The following INSIG2 variants were observed in gnomAD, a reference collection of about 807,000 sequenced individuals.
The protein encoded by INSIG2 is insulin-induced gene 2 protein.
INSIG2 carries 10 observed loss-of-function variants against 27.2 expected under a neutral mutation model. That is an observed-to-expected ratio of 0.37 (90% CI 0.23 to 0.62). The LOEUF (loss-of-function observed/expected upper bound fraction) is 0.62. Ranked by LOEUF, INSIG2 falls within the 20% of genes least tolerant of loss-of-function variation. The probability of loss-of-function intolerance (pLI) is 0.65; values close to 1 mark genes in which losing one functional copy is unlikely to be tolerated. For missense variants in INSIG2, 178 were observed against 270.2 expected (o/e 0.66, Z 2.39); for synonymous variants, 97 against 95.8 (o/e 1.01, Z -0.07).
intron 2 of INSIG2, among the ~76,000 whole-genome samples, chr2:118,099,916 G>A (rs796197057): frequency 7.2e-5 from 11 of 152,202 alleles, no homozygotes; most frequent in African/African-American, 2.4e-4. Flanking sequence ...CAGCCCCCTT[G>A]TATGGTACCC....
chr2:118,093,209 AGATGATGAT>A (rs72489038), intron 1 of INSIG2, among the ~76,000 whole-genome samples: 8 of 8,196 alleles, frequency 9.8e-4, no homozygotes, highest in African/African-American at 1.3e-3. Context: ...AAAAGCAACC[AGATGATGAT>A]GATGATGATG....
intron 1 of INSIG2, among the ~76,000 whole-genome samples, chr2:118,092,304 G>T (rs530054826): frequency 6.6e-6 from 1 of 152,110 alleles, no homozygotes; most frequent in African/African-American, 2.4e-5. Flanking sequence ...TATACAGAGT[G>T]TTAGTTTGCT....
Position 118,108,316 on chromosome 2 carries a change from G to T in INSIG2, c.672G>T (p.Gln224His). The T allele has an allele frequency of 6.3e-7, 1 of 1,598,122 alleles. No homozygotes were observed. The highest frequency in any genetic ancestry group is 1.1e-5 in the South Asian group (1 of 88,850). Residue 224 changes from glutamine (Q) to histidine (H), a missense_variant, in exon 6 of 6, where the codon CAG (glutamine) becomes CAT (histidine). Coordinates refer to ENST00000245787, the MANE Select transcript of INSIG2 (RefSeq NM_016133.4). ...AAGTTATCGCAGAAAAATCTCATCA[G>T]GAATGAAGAAGGCAAAAAATATCTT... is the stretch of plus-strand genomic sequence containing the variant. Reference protein sequence around the residue: ...ECKVIAEKSHQE With the variant: ...ECKVIAEKSHHE
At chr2:118,091,550 A>C (rs2104519713) in intron 1 of INSIG2, among the ~76,000 whole-genome samples, 1 of 152,308 alleles carries the variant, frequency 6.6e-6, no homozygotes, top group African/African-American at 2.4e-5. Context: ...TATATATACA[A>C]CTTTTTTGTT....
Position 118,106,768 on chromosome 2 carries a change from C to G in INSIG2, c.401C>G (p.Ser134Cys). Residue 134 changes from serine (S) to cysteine (C), a missense_variant, in exon 4 of 6, where the codon TCT (serine) becomes TGT (cysteine). By Grantham distance (112) the Ser-to-Cys change is moderately radical. Coordinates refer to ENST00000245787, the MANE Select transcript of INSIG2 (RefSeq NM_016133.4). Reference sequence around the variant, plus strand: ...GATTTCGATAACAACATACAGTTGTCTCTCACACTGGCTGCACTATCCATT... The same window carrying G: ...GATTTCGATAACAACATACAGTTGTGTCTCACACTGGCTGCACTATCCATT... ...KVDFDNNIQL[S>C]LTLAALSIGL... The G allele has an allele frequency of 6.2e-7, 1 of 1,614,074 alleles. No individual in the cohort carries two copies. The highest frequency in any genetic ancestry group is 8.5e-7 in the Non-Finnish European group (1 of 1,179,946).
At chr2:118,091,582 T>C (rs879789046) in intron 1 of INSIG2, among the ~76,000 whole-genome samples, 4 of 152,216 alleles carry the variant, frequency 2.6e-5, no homozygotes, top group African/African-American at 4.8e-5. Context: ...GGGGGTCTCA[T>C]ACCCCTTGGA....
intron 1 of INSIG2, among the ~76,000 whole-genome samples, chr2:118,091,219 C>T (rs972430888): frequency 2.6e-5 from 4 of 152,158 alleles, no homozygotes; most frequent in African/African-American, 9.7e-5. Flanking sequence ...CCTCTGACTC[C>T]TCTAGTGTGC....
In INSIG2 at chr2:118,108,399, C is replaced by A. The variant is rs1428425989; in HGVS notation, c.*77C>A. The A allele has an allele frequency of 1.8e-6, 2 of 1,136,514 alleles. No homozygotes were observed. Among genetic ancestry groups the A allele is most frequent in the East Asian group, 2.5e-5 (1 of 40,654 alleles). The allele number at this position is 1,136,514 out of a possible 1,614,324, so 70.4% of individuals were successfully genotyped here. A position where few individuals can be genotyped will look rare whatever the true frequency, so the allele number is the denominator to read the frequency against. On this transcript the variant is annotated 3_prime_UTR_variant, in exon 6 of 6. Transcript: ENST00000245787. ...AATGGTAGATATACCAACAAAACTT[C>A]AGACTGTAAAATTGCCAGGATGCAG...
chr2:118,090,346 G>A (rs1189774508), intron 1 of INSIG2, among the ~76,000 whole-genome samples: 2 of 152,128 alleles, frequency 1.3e-5, no homozygotes, highest in South Asian at 4.1e-4. Flanking sequence ...GGTTCTTAAG[G>A]TTACTAGAAG....
intron 2 of INSIG2, among the ~76,000 whole-genome samples, chr2:118,098,642 G>T (rs185403665): frequency 2.9e-4 from 44 of 152,306 alleles, no homozygotes; most frequent in Non-Finnish European, 6.3e-4. Flanking sequence ...AGGTTTCATT[G>T]TACCTCCACT....
At chr2:118,098,102 C>T (rs1667475118) in intron 2 of INSIG2, among the ~76,000 whole-genome samples, 1 of 152,230 alleles carries the variant, frequency 6.6e-6, no homozygotes, top group African/African-American at 2.4e-5. Context: ...AATTGTATCA[C>T]TCTGCTGTAT....
At position 118,096,604 on chromosome 2, in the gene INSIG2, A is replaced by G; in HGVS notation, c.48A>G (p.Pro16=). 6.2e-7 allele frequency: 1 copy of G among 1,613,854 alleles called. No individual in the cohort carries two copies. Among genetic ancestry groups the G allele is most frequent in the African/African-American group, 1.3e-5 (1 of 74,960 alleles). The change falls in exon 2 of 6, where the codon CCA becomes CCG. Residue 16 remains proline, a synonymous_variant. Coordinates refer to ENST00000245787, the MANE Select transcript of INSIG2 (RefSeq NM_016133.4). The part of the protein sequence containing the change: ...TESPGPKKCG[P]YISSVTSQSV... ...CACCTGGGCCCAAAAAGTGTGGCCC[A>G]TATATTTCATCTGTCACTAGCCAGA...
Position 118,108,322 on chromosome 2 carries a change from A to C in INSIG2, c.678A>C (p.Ter226CysextTer17). 1 of 1,594,936 alleles carries C rather than the reference A, an allele frequency of 6.3e-7. No homozygotes were observed. Among genetic ancestry groups the C allele is most frequent in the East Asian group, 2.3e-5 (1 of 44,174 alleles). Reference protein sequence around the residue: ...KVIAEKSHQE* With the variant: ...KVIAEKSHQEC ...TCGCAGAAAAATCTCATCAGGAATG[A>C]AGAAGGCAAAAAATATCTTTTGTAC... The change falls in exon 6 of 6, where the codon TGA becomes TGC. Residue 226 changes from the stop codon to cysteine, a stop_lost. Coordinates refer to ENST00000245787, the MANE Select transcript of INSIG2 (RefSeq NM_016133.4).
chr2:118,104,689 G>C (rs1174010115), intron 3 of INSIG2, among the ~76,000 whole-genome samples: 1 of 152,152 alleles, frequency 6.6e-6, no homozygotes, highest in Non-Finnish European at 1.5e-5. Flanking sequence ...CAGCAGAGCT[G>C]AGAACAGCCC....
At chr2:118,089,665 T>G (rs181488855) in intron 1 of INSIG2, among the ~76,000 whole-genome samples, 197 of 152,334 alleles carry the variant, frequency 1.3e-3, no homozygotes, top group African/African-American at 4.6e-3. Context: ...TTTGTCATTG[T>G]GTTATGTCGT....
chr2:118,103,175 T>C, intron 2 of INSIG2, 22 bp from the exon 3 acceptor site: 1 of 1,609,346 alleles, frequency 6.2e-7, no homozygotes, highest in East Asian at 2.2e-5. Flanking sequence ...GGTAACTTAA[T>C]TTTTTTCTTT....
intron 2 of INSIG2, chr2:118,102,550 T>A (rs1170064734): frequency 1.3e-5 from 2 of 152,240 alleles, no homozygotes; most frequent in Non-Finnish European, 2.9e-5. Context: ...AGATTTCTGT[T>A]GTGAGTTTTC....
At chr2:118,105,904 ATTCCT>A (rs1678661282) in intron 3 of INSIG2, among the ~76,000 whole-genome samples, 1 of 152,218 alleles carries the variant, frequency 6.6e-6, no homozygotes, top group South Asian at 2.1e-4. Context: ...CTTGAAATTA[ATTCCT>A]TTAGTGTAAT....
chr2:118,102,680 G>A (rs575062158), intron 2 of INSIG2: 1 of 154,638 alleles, frequency 6.5e-6, no homozygotes, highest in Admixed American at 6.3e-5. Context: ...ACTGATCTAC[G>A]TAAGAGGCCA....
Sources: allele counts gnomAD v4.1 joint callset (sites outside exome capture counted in the v4.1 genomes callset), GRCh38; gene constraint gnomAD v4.1.1; transcripts MANE v1.5; gene names NCBI Gene and HGNC (gene_info 2026-07-23, HGNC 2026-07-21).